The following TENM3 variants were observed in gnomAD, a reference collection of about 807,000 sequenced individuals.
TENM3 encodes teneurin transmembrane protein 3.
TENM3 carries 63 observed loss-of-function variants against 255.1 expected under a neutral mutation model. The ratio of observed to expected loss-of-function variants is 0.25; its 90% CI spans 0.20 to 0.30. The LOEUF is 0.30. Ranked by LOEUF, TENM3 falls within the 10% of genes least tolerant of loss-of-function variation. The probability of loss-of-function intolerance (pLI) is 1.00; values close to 1 mark genes in which losing one functional copy is unlikely to be tolerated. For synonymous variants in TENM3, 1,306 were observed against 1,322.3 expected (o/e 0.99, Z 0.27); for missense variants, 2,929 against 3,461.1 (o/e 0.85, Z 3.86).
chr4:182,785,215 T>C (rs1765545526), intron 24 of TENM3, among the ~76,000 whole-genome samples: 1 of 151,656 alleles, frequency 6.6e-6, no homozygotes, highest in African/African-American at 2.4e-5. Flanking sequence ...TAGCTGGGAC[T>C]ACAGGCACCT....
At chr4:182,206,025 T>C (rs866180057) in intron 1 of TENM3, among the ~76,000 whole-genome samples, 23 of 148,568 alleles carry the variant, frequency 1.5e-4, no homozygotes, top group African/African-American at 5.3e-4. Context: ...ATTTACACGA[T>C]CCACCGAAAG....
chr4:181,928,185 G>T, the TENM3 span, among the ~76,000 whole-genome samples: 13 of 152,052 alleles, frequency 8.5e-5, no homozygotes, highest in Admixed American at 7.2e-4. Context: ...TGAGTTTGAT[G>T]AATTAACAGA....
chr4:181,810,483 G>T, the TENM3 span, among the ~76,000 whole-genome samples: 11 of 151,842 alleles, frequency 7.2e-5, no homozygotes, highest in African/African-American at 2.7e-4. Context: ...TGCTTGGGGG[G>T]TAGTGAGTGC....
At chr4:181,555,256 G>C in the TENM3 span, among the ~76,000 whole-genome samples, 11 of 152,076 alleles carry the variant, frequency 7.2e-5, no homozygotes, top group Admixed American at 1.3e-4. Flanking sequence ...ATAGAGGTTC[G>C]CAGACTGGTG....
At chr4:181,558,464 T>A in the TENM3 span, among the ~76,000 whole-genome samples, 3 of 152,222 alleles carry the variant, frequency 2.0e-5, no homozygotes, top group Non-Finnish European at 4.4e-5. Context: ...AATAAAGTAG[T>A]ATATGAACTA....
the TENM3 span, among the ~76,000 whole-genome samples, chr4:181,934,764 T>C: frequency 6.6e-6 from 1 of 152,152 alleles, no homozygotes; most frequent in Admixed American, 6.5e-5. Context: ...GGAATTTTTG[T>C]TTTCAAAAAT....
intron 3 of TENM3, among the ~76,000 whole-genome samples, chr4:182,437,083 A>T (rs147331910): frequency 1.5e-3 from 221 of 152,108 alleles, no homozygotes; most frequent in African/African-American, 5.1e-3. Context: ...GAACTTCTCA[A>T]CTTCTCACCT....
intron 3 of TENM3, among the ~76,000 whole-genome samples, chr4:182,393,387 A>G (rs1360035161): frequency 2.6e-5 from 4 of 152,260 alleles, no homozygotes; most frequent in African/African-American, 9.6e-5. Context: ...ATACATACAC[A>G]GAGATAAAAT....
chr4:182,731,246 C>T, intron 16 of TENM3, 107 bp downstream of exon 16: 1 of 1,172,666 alleles, frequency 8.5e-7, no homozygotes, highest in Non-Finnish European at 1.2e-6. Context: ...TGGCTCACTC[C>T]TGTAATCCCA....
the TENM3 span, among the ~76,000 whole-genome samples, chr4:181,512,034 A>T: frequency 2.6e-5 from 4 of 152,092 alleles, no homozygotes; most frequent in African/African-American, 4.8e-5. Flanking sequence ...TCCTCAGCAC[A>T]GTCCTACAAA....
At chr4:182,560,184 G>A (rs571630339) in intron 3 of TENM3, among the ~76,000 whole-genome samples, 17 of 150,748 alleles carry the variant, frequency 1.1e-4, no homozygotes, top group African/African-American at 3.2e-4. Context: ...ACAGGAATAC[G>A]TTACTTGAAT....
At chr4:182,423,733 G>C (rs1771006829) in intron 3 of TENM3, among the ~76,000 whole-genome samples, 1 of 152,114 alleles carries the variant, frequency 6.6e-6, no homozygotes, top group Admixed American at 6.5e-5. Flanking sequence ...TTAATTTTGA[G>C]AGAATCTTTT....
At chr4:182,570,480 GA>G (rs1744245706) in intron 3 of TENM3, among the ~76,000 whole-genome samples, 1 of 152,200 alleles carries the variant, frequency 6.6e-6, no homozygotes, top group South Asian at 2.1e-4. Context: ...TAGCTCTGTG[GA>G]AAATCAGTCA....
chr4:182,798,793 A>C lies in TENM3; in HGVS notation c.7345-803A>C, dbSNP rs150984970. Among the ~76,000 whole-genome samples, 264 of 152,332 alleles carry C rather than the reference A, an allele frequency of 1.7e-3. 1 individual carries two copies. Among genetic ancestry groups the C allele is most frequent in the African/African-American group, 6.0e-3 (250 of 41,580 alleles). ...AGGACAGCATAGGAAATCGTGGGCA[A>C]AGACACTGAGGCTGCCCCAAGTACA... is the stretch of plus-strand genomic sequence containing the variant. On this transcript the variant is annotated intron_variant, in intron 27 of 27. Transcript: ENST00000511685.
chr4:182,242,783 T>C (rs1757364783), upstream of TENM3, among the ~76,000 whole-genome samples: 1 of 152,132 alleles, frequency 6.6e-6, no homozygotes, highest in Non-Finnish European at 1.5e-5. Context: ...TTACTGGTTT[T>C]CCTGCCTGAT....
chr4:181,479,560 TTATTC>T, the TENM3 span, among the ~76,000 whole-genome samples: 1 of 152,264 alleles, frequency 6.6e-6, no homozygotes, highest in East Asian at 1.9e-4. Flanking sequence ...GTCCTGTACT[TTATTC>T]TACTGTCATA....
chr4:182,619,147 G>T (rs1431864517), intron 4 of TENM3, among the ~76,000 whole-genome samples: 1 of 152,108 alleles, frequency 6.6e-6, no homozygotes, highest in Non-Finnish European at 1.5e-5. Flanking sequence ...GAGCTAGAAG[G>T]CCAGGTGTGG....
intron 2 of TENM3, among the ~76,000 whole-genome samples, chr4:182,339,787 C>T (rs1409327745): frequency 6.6e-6 from 1 of 152,010 alleles, no homozygotes; most frequent in Non-Finnish European, 1.5e-5. Context: ...TACTGCAGTT[C>T]GACTATCAGA....
upstream of TENM3, chr4:182,142,897 A>G (rs1170292136): frequency 6.0e-6 from 1 of 166,930 alleles, no homozygotes; most frequent in Non-Finnish European, 1.5e-5. Flanking sequence ...ACCCAGCCAG[A>G]GAGCGGTTCG....
Sources: gnomAD v4.1 joint callset for allele counts (sites outside exome capture counted in the v4.1 genomes callset) on GRCh38, gnomAD v4.1.1 for gene constraint, MANE v1.5 for transcripts, NCBI Gene and HGNC (gene_info 2026-07-23, HGNC 2026-07-21) for gene names.